The following TJP2 variants were observed in gnomAD, a reference collection of about 807,000 sequenced individuals.
TJP2 encodes tight junction protein 2.
In TJP2, 91 loss-of-function variants were observed where a neutral mutation model predicts 133.1. The ratio of observed to expected loss-of-function variants is 0.68; its 90% CI spans 0.58 to 0.81. TJP2 has a LOEUF of 0.81. Among genes scored for constraint, TJP2 ranks in the 40% least tolerant of loss-of-function variants. TJP2 has a pLI of 0.00. For missense variants in TJP2, 1,541 were observed against 1,565.6 expected (o/e 0.98, Z 0.26); for synonymous variants, 592 against 583.4 (o/e 1.01, Z -0.21).
chr9:69,230,029 C>T, intron 10 of TJP2, 53 bp from the exon 11 acceptor site: 2 of 1,605,390 alleles, frequency 1.2e-6, no homozygotes, highest in Non-Finnish European at 1.7e-6. Context: ...ATGTTGTTCT[C>T]CCTTTTAAAA....
intron 2 of TJP2, among the ~76,000 whole-genome samples, chr9:69,168,503 T>C (rs186471114): frequency 7.2e-5 from 11 of 152,198 alleles, no homozygotes; most frequent in Non-Finnish European, 1.6e-4. Flanking sequence ...ACTTTGAAAG[T>C]GATCATGAGG....
At chr9:69,154,971 AC>A (rs1259300101) in intron 2 of TJP2, among the ~76,000 whole-genome samples, 2 of 151,892 alleles carry the variant, frequency 1.3e-5, no homozygotes, top group Admixed American at 6.6e-5. Context: ...TAATCCTAGC[AC>A]TTTGGGAGGC....
chr9:69,185,001 C>T lies in TJP2; in HGVS notation c.60+10569C>T, dbSNP rs113655062. ...CTGGGCTCAGGCGATCCTCCTACCT[C>T]GGCCTCCCGAAGTGCTAGGATTATA... On this transcript the variant is annotated intron_variant, in intron 1 of 22. Transcript: ENST00000377245. Among the ~76,000 whole-genome samples the T allele has an allele frequency of 1.2e-3, 181 of 151,684 alleles. 2 individuals are homozygous for T. The highest frequency in any genetic ancestry group is 4.1e-3 in the African/African-American group (170 of 41,360).
At chr9:69,238,576 T>C (rs1830360297) in intron 15 of TJP2, 134 bp from the exon 16 acceptor site, 1 of 748,620 alleles carries the variant, frequency 1.3e-6, no homozygotes, top group African/African-American at 1.7e-5. Flanking sequence ...GCAGGTTATG[T>C]GGGTCCTTCC....
intron 2 of TJP2, among the ~76,000 whole-genome samples, chr9:69,166,038 C>T (rs1045777842): frequency 6.6e-6 from 1 of 152,240 alleles, no homozygotes; most frequent in Non-Finnish European, 1.5e-5. Flanking sequence ...CAGGACTCTC[C>T]CCAAACACCA....
intron 1 of TJP2, among the ~76,000 whole-genome samples, chr9:69,151,031 T>C (rs1823448175): frequency 6.6e-6 from 1 of 152,146 alleles, no homozygotes; most frequent in South Asian, 2.1e-4. Flanking sequence ...ATCATATGAG[T>C]CCATTCATAT....
intron 5 of TJP2, 77 bp downstream of exon 5, chr9:69,221,573 C>G (rs1187869154): frequency 2.0e-6 from 3 of 1,528,652 alleles, no homozygotes; most frequent in Non-Finnish European, 2.7e-6. Flanking sequence ...TTTTTTTTCC[C>G]CCGAAAGTGT....
upstream of TJP2, among the ~76,000 whole-genome samples, chr9:69,172,544 A>C (rs1377947574): frequency 2.0e-5 from 3 of 152,150 alleles, no homozygotes; most frequent in African/African-American, 7.2e-5. Context: ...ATCTTATTGA[A>C]CAGTGCCGCT....
At chr9:69,213,573 C>G (rs1440936480) in intron 2 of TJP2, among the ~76,000 whole-genome samples, 1 of 152,140 alleles carries the variant, frequency 6.6e-6, no homozygotes, top group Non-Finnish European at 1.5e-5. Flanking sequence ...AAGACATTCC[C>G]GAATTTAATG....
chr9:69,251,413 T>C, intron 21 of TJP2, 49 bp downstream of exon 21: 1 of 1,578,158 alleles, frequency 6.3e-7, no homozygotes, highest in Non-Finnish European at 8.6e-7. Context: ...TAAATAAGTT[T>C]GATTTCAACA....
chr9:69,183,844 C>T (rs189841283), intron 1 of TJP2, among the ~76,000 whole-genome samples: 1 of 152,180 alleles, frequency 6.6e-6, no homozygotes, highest in African/African-American at 2.4e-5. Context: ...AAGTGATTCT[C>T]CTGCTTCAGC....
intron 1 of TJP2, among the ~76,000 whole-genome samples, chr9:69,199,602 C>T (rs759446681): frequency 8.5e-5 from 13 of 152,126 alleles, no homozygotes; most frequent in Non-Finnish European, 1.9e-4. Context: ...AACCATTGGC[C>T]CATTTATTGG....
chr9:69,174,176 A>T (rs890576018), upstream of TJP2: 1 of 1,299,010 alleles, frequency 7.7e-7, no homozygotes, highest in Non-Finnish European at 9.8e-7. Flanking sequence ...CGGAGGCGCC[A>T]CGCTCGGGTC....
intron 1 of TJP2, among the ~76,000 whole-genome samples, chr9:69,207,469 A>T (rs994327765): frequency 6.6e-5 from 10 of 152,110 alleles, no homozygotes; most frequent in African/African-American, 9.7e-5. Flanking sequence ...AGATACTGGG[A>T]TATTTTCCAA....
chr9:69,138,759 A>T (rs1451377333), intron 1 of TJP2, among the ~76,000 whole-genome samples: 2 of 151,982 alleles, frequency 1.3e-5, no homozygotes, highest in African/African-American at 2.4e-5. Flanking sequence ...CTCTACTCAA[A>T]ATACAAAATT....
At position 69,178,912 on chromosome 9, in the gene TJP2, G is replaced by A. The variant is rs2132971555; in HGVS notation, c.60+4480G>A. Among the ~76,000 whole-genome samples, 2 of 152,146 alleles carry A rather than the reference G, an allele frequency of 1.3e-5. 1 individual carries two copies. Among genetic ancestry groups the A allele is most frequent in the South Asian group, 4.2e-4 (2 of 4,818 alleles). On this transcript the variant is annotated intron_variant, in intron 1 of 22. Transcript: ENST00000377245. ...TGTGGACAGCCAAACAGCCTCACCTGTAAATGCATTTAATTTCTCAAAGTC... is the reference window on the plus strand; with the variant it reads ...TGTGGACAGCCAAACAGCCTCACCTATAAATGCATTTAATTTCTCAAAGTC...
intron 1 of TJP2, among the ~76,000 whole-genome samples, chr9:69,210,733 T>C (rs1400897719): frequency 7.3e-6 from 1 of 136,278 alleles, no homozygotes; most frequent in Non-Finnish European, 1.5e-5. Context: ...TTTTCAGGTA[T>C]TTTGAGTTCT....
intron 18 of TJP2, among the ~76,000 whole-genome samples, chr9:69,247,610 G>A (rs952263344): frequency 6.6e-6 from 1 of 152,144 alleles, no homozygotes; most frequent in African/African-American, 2.4e-5. Flanking sequence ...GCCTTTGAGG[G>A]TCTGAGAATC....
At chr9:69,130,017 AAAAAAAAAAAAAAAAG>A (rs1364411905) in intron 1 of TJP2, among the ~76,000 whole-genome samples, 14 of 6,856 alleles carry the variant, frequency 2.0e-3, no homozygotes, top group African/African-American at 6.1e-3. Flanking sequence ...CTCTGCCTCA[AAAAAAAAAAAAAAAAG>A]AAAAAGAAAA....
Sources: allele counts gnomAD v4.1 joint callset (sites outside exome capture counted in the v4.1 genomes callset), GRCh38; gene constraint gnomAD v4.1.1; transcripts MANE v1.5; gene names NCBI Gene and HGNC (gene_info 2026-07-23, HGNC 2026-07-21).